Variants in ACYP2 observed in about 807,000 individuals in gnomAD.
ACYP2 encodes acylphosphatase 2.
A neutral mutation model predicts 11.2 loss-of-function variants in ACYP2; 12 were observed. The ratio of observed to expected loss-of-function variants is 1.08; its 90% CI spans 0.69 to 1.74. The LOEUF (loss-of-function observed/expected upper bound fraction) is 1.74. ACYP2 is among the 40% of genes most tolerant of loss of function. ACYP2 has a pLI of 0.00. For synonymous variants in ACYP2, 43 were observed against 32.2 expected, an observed-to-expected ratio of 1.33 and a Z score of -1.13; for missense variants, 134 against 101.9, an observed-to-expected ratio of 1.31 and a Z score of -1.35.
At chr2:54,130,553 G>A (rs1680841433) in intron 4 of ACYP2, among the ~76,000 whole-genome samples, 1 of 152,164 alleles carries the variant, frequency 6.6e-6, no homozygotes, top group Non-Finnish European at 1.5e-5. Context: ...TGTAAGGGGG[G>A]CAGAATTGGA....
At chr2:54,239,753 A>T (rs771694474) in intron 6 of ACYP2, among the ~76,000 whole-genome samples, 3 of 152,194 alleles carry the variant, frequency 2.0e-5, no homozygotes, top group Non-Finnish European at 4.4e-5. Flanking sequence ...TGGTGACCTA[A>T]GAAGGTGGTA....
intron 2 of ACYP2, among the ~76,000 whole-genome samples, chr2:53,980,076 C>T (rs932365670): frequency 2.0e-5 from 3 of 152,152 alleles, no homozygotes; most frequent in African/African-American, 7.2e-5. Flanking sequence ...GGCACCATGG[C>T]TCACATCTCT....
At chr2:54,253,551 C>T (rs906322724) in intron 6 of ACYP2, 2 of 152,240 alleles carry the variant, frequency 1.3e-5, no homozygotes, top group African/African-American at 4.8e-5. Flanking sequence ...ATATTTAACA[C>T]TCCAACCATC....
chr2:54,181,581 A>T, intron 6 of ACYP2, among the ~76,000 whole-genome samples: 1 of 152,162 alleles, frequency 6.6e-6, no homozygotes, highest in South Asian at 2.1e-4. Context: ...AACTTTCCTA[A>T]AATTACATAT....
At chr2:54,178,416 T>A (rs1683565669) in intron 6 of ACYP2, among the ~76,000 whole-genome samples, 1 of 152,174 alleles carries the variant, frequency 6.6e-6, no homozygotes, top group Admixed American at 6.6e-5. Context: ...GCAGTGTTTA[T>A]AGTGACTAAA....
intron 4 of ACYP2, among the ~76,000 whole-genome samples, chr2:54,103,800 C>G (rs1679021949): frequency 6.6e-6 from 1 of 152,148 alleles, no homozygotes; most frequent in Admixed American, 6.5e-5. Flanking sequence ...TTAATGGTAT[C>G]CCACAGGGAG....
chr2:54,157,071 A>T (rs181416308), intron 6 of ACYP2, among the ~76,000 whole-genome samples: 31 of 150,772 alleles, frequency 2.1e-4, no homozygotes, highest in Middle Eastern at 3.4e-3. Flanking sequence ...AATGTGATTT[A>T]AAAAAAAAAT....
intron 1 of ACYP2, among the ~76,000 whole-genome samples, chr2:53,973,518 C>T (rs1056302881): frequency 1.3e-5 from 2 of 152,098 alleles, no homozygotes; most frequent in African/African-American, 4.8e-5. Context: ...TTTGTAATCT[C>T]CCCCACCCTT....
chr2:54,194,445 T>G (rs1287870783), intron 6 of ACYP2, among the ~76,000 whole-genome samples: 1 of 152,202 alleles, frequency 6.6e-6, no homozygotes, highest in African/African-American at 2.4e-5. Flanking sequence ...TGCATACTTT[T>G]ATTGAGTTAA....
At chr2:54,201,963 C>T (rs1684854380) in intron 6 of ACYP2, among the ~76,000 whole-genome samples, 1 of 152,074 alleles carries the variant, frequency 6.6e-6, no homozygotes, top group African/African-American at 2.4e-5. Context: ...TTGCCTCGAC[C>T]TCCCAAAGTG....
At chr2:54,209,359 T>G (rs145862118) in intron 6 of ACYP2, among the ~76,000 whole-genome samples, 1 of 152,192 alleles carries the variant, frequency 6.6e-6, no homozygotes, top group African/African-American at 2.4e-5. Context: ...TTGAATACCC[T>G]GTCCATCCTA....
At chr2:54,110,596 G>A (rs1343115753) in intron 4 of ACYP2, among the ~76,000 whole-genome samples, 1 of 152,168 alleles carries the variant, frequency 6.6e-6, no homozygotes, top group African/African-American at 2.4e-5. Context: ...ATTTTGAGAT[G>A]AGGTGCTAAA....
chr2:54,179,318 GA>G (rs1683606563), intron 6 of ACYP2, among the ~76,000 whole-genome samples: 1 of 152,114 alleles, frequency 6.6e-6, no homozygotes, highest in African/African-American at 2.4e-5. Flanking sequence ...ATACCAACTG[GA>G]TATCCTCCAA....
intron 6 of ACYP2, among the ~76,000 whole-genome samples, chr2:54,166,462 A>C (rs1244050641): frequency 6.6e-6 from 1 of 152,190 alleles, no homozygotes; most frequent in Non-Finnish European, 1.5e-5. Flanking sequence ...TTGAGACTGA[A>C]TAAAGGATTT....
In ACYP2 at chr2:54,075,794, T is replaced by C. The variant is rs184146908; in HGVS notation, c.277+18434T>C. ...CGCCACTGCACTCCAGCCTGGGCGA[T>C]AGAACAAGACTCCATCTCAAAAAAA... On this transcript the variant is annotated intron_variant, in intron 4 of 6. Coordinates refer to ENST00000607452, the MANE Select transcript of ACYP2 (RefSeq NM_001320586.2). Among the ~76,000 whole-genome samples the C allele has an allele frequency of 5.0e-3, 766 of 151,704 alleles. 2 individuals are homozygous for C. Among genetic ancestry groups the C allele is most frequent in the Middle Eastern group, 0.02 (6 of 294 alleles).
At chr2:54,133,157 C>T (rs1196872670) in intron 4 of ACYP2, among the ~76,000 whole-genome samples, 1 of 152,248 alleles carries the variant, frequency 6.6e-6, no homozygotes, top group Non-Finnish European at 1.5e-5. Flanking sequence ...CTCCCCTCTA[C>T]TCCTGGCCCT....
intron 6 of ACYP2, chr2:54,255,047 T>C (rs1687425325): frequency 6.8e-6 from 11 of 1,614,110 alleles, no homozygotes; most frequent in Non-Finnish European, 9.3e-6. Context: ...TCCTCTTTAA[T>C]AATCTGAGCA....
At chr2:54,234,273 T>C (rs1315393921) in intron 6 of ACYP2, among the ~76,000 whole-genome samples, 3 of 152,222 alleles carry the variant, frequency 2.0e-5, no homozygotes, top group Admixed American at 2.0e-4. Flanking sequence ...CTCCAGAAAG[T>C]CAACAAGCAA....
At chr2:54,034,512 A>G (rs1412986647) in intron 2 of ACYP2, among the ~76,000 whole-genome samples, 2 of 152,330 alleles carry the variant, frequency 1.3e-5, no homozygotes, top group Admixed American at 1.3e-4. Flanking sequence ...TAGGAGTGAT[A>G]GTCTATCCCC....
Sources: gnomAD v4.1 joint callset for allele counts (sites outside exome capture counted in the v4.1 genomes callset) on GRCh38, gnomAD v4.1.1 for gene constraint, MANE v1.5 for transcripts, NCBI Gene and HGNC (gene_info 2026-07-23, HGNC 2026-07-21) for gene names.